The following DLGAP2 variants were observed in gnomAD, a reference collection of about 807,000 sequenced individuals.
DLGAP2 encodes disks large-associated protein 2.
DLGAP2 carries 26 observed loss-of-function variants against 100.3 expected under a neutral mutation model. The ratio of observed to expected loss-of-function variants is 0.26; its 90% CI spans 0.19 to 0.36. The LOEUF (loss-of-function observed/expected upper bound fraction) is 0.36, where lower values mean the gene tolerates loss of function less well. DLGAP2 is among the 10% of genes least tolerant of loss of function. The pLI, the probability that DLGAP2 is intolerant of heterozygous loss-of-function variation, is 1.00. For missense variants in DLGAP2, 1,858 were observed against 1,453.2 expected (o/e 1.28, Z -4.53); for synonymous variants, 886 against 630.1 (o/e 1.41, Z -6.08).
intron 3 of DLGAP2, among the ~76,000 whole-genome samples, chr8:1,311,503 A>G (rs1800613428): frequency 1.3e-5 from 2 of 152,212 alleles, no homozygotes; most frequent in African/African-American, 4.8e-5. Flanking sequence ...CATATCCCTT[A>G]TCAATGTAGA....
intron 3 of DLGAP2, among the ~76,000 whole-genome samples, chr8:1,330,035 A>G (rs1395364182): frequency 6.6e-6 from 1 of 152,218 alleles, no homozygotes; most frequent in Non-Finnish European, 1.5e-5. Flanking sequence ...TGTCCATTAA[A>G]GTGGCTTTGC....
intron 1 of DLGAP2, among the ~76,000 whole-genome samples, chr8:841,842 C>G (rs1796989210): frequency 6.6e-6 from 1 of 152,198 alleles, no homozygotes; most frequent in African/African-American, 2.4e-5. Context: ...ATGGCTATTT[C>G]ATATCACATT....
At chr8:1,558,169 G>T (rs974643251) in intron 5 of DLGAP2, among the ~76,000 whole-genome samples, 2 of 152,188 alleles carry the variant, frequency 1.3e-5, no homozygotes, top group Admixed American at 6.5e-5. Flanking sequence ...GCCTCTGTTG[G>T]TGGCCTCCTG....
intron 2 of DLGAP2, among the ~76,000 whole-genome samples, chr8:1,190,907 C>T (rs1270016061): frequency 6.6e-6 from 1 of 152,092 alleles, no homozygotes; most frequent in African/African-American, 2.4e-5. Context: ...CGTGTTTATG[C>T]ACCATGCTTC....
At chr8:1,009,933 G>A (rs929426609) in intron 2 of DLGAP2, among the ~76,000 whole-genome samples, 1 of 152,222 alleles carries the variant, frequency 6.6e-6, no homozygotes, top group Non-Finnish European at 1.5e-5. Flanking sequence ...GTAAGGTCTT[G>A]TGTTTTTGCA....
intron 2 of DLGAP2, among the ~76,000 whole-genome samples, chr8:1,236,892 A>G (rs1402574785): frequency 8.8e-6 from 1 of 114,132 alleles, no homozygotes; most frequent in Non-Finnish European, 1.8e-5. Context: ...GTTCTCTAAC[A>G]TGGCGCCATG....
intron 1 of DLGAP2, among the ~76,000 whole-genome samples, chr8:871,237 C>A (rs1797592488): frequency 6.6e-6 from 1 of 152,258 alleles, no homozygotes; most frequent in South Asian, 2.1e-4. Flanking sequence ...CCGTGCATTT[C>A]TTCAGATGGC....
intron 3 of DLGAP2, among the ~76,000 whole-genome samples, chr8:1,376,387 G>C (rs1169405733): frequency 6.6e-6 from 1 of 152,246 alleles, no homozygotes; most frequent in Non-Finnish European, 1.5e-5. Context: ...GCAGAGAGAG[G>C]AGCTTCCTTG....
chr8:1,593,348 A>G (rs1325994960), intron 6 of DLGAP2, among the ~76,000 whole-genome samples: 1 of 151,970 alleles, frequency 6.6e-6, no homozygotes, highest in Non-Finnish European at 1.5e-5. Flanking sequence ...CCAGCTACTC[A>G]GGAGGCTGAG....
chr8:1,030,132 A>G (rs1563153881), intron 2 of DLGAP2, among the ~76,000 whole-genome samples: 1 of 152,254 alleles, frequency 6.6e-6, no homozygotes, highest in African/African-American at 2.4e-5. Context: ...ATAATGGTTA[A>G]GGCCCTAGTT....
chr8:833,869 A>G (rs1199375574), intron 1 of DLGAP2, among the ~76,000 whole-genome samples: 4 of 152,232 alleles, frequency 2.6e-5, no homozygotes, highest in Non-Finnish European at 4.4e-5. Flanking sequence ...ATCTCAGAAC[A>G]TGACAGGTTG....
chr8:1,559,815 C>A (rs1433880859), intron 5 of DLGAP2, among the ~76,000 whole-genome samples: 3 of 152,216 alleles, frequency 2.0e-5, no homozygotes, highest in Non-Finnish European at 4.4e-5. Flanking sequence ...TCCCCCGTGC[C>A]CAGGAACTGG....
chr8:839,976 G>C (rs1054351264), intron 1 of DLGAP2, among the ~76,000 whole-genome samples: 1 of 151,216 alleles, frequency 6.6e-6, no homozygotes, highest in Non-Finnish European at 1.5e-5. Flanking sequence ...GATTGTGTGA[G>C]CGCGTCCACA....
intron 6 of DLGAP2, among the ~76,000 whole-genome samples, chr8:1,606,430 CT>C (rs1281093841): frequency 6.6e-6 from 1 of 152,120 alleles, no homozygotes; most frequent in Non-Finnish European, 1.5e-5. Context: ...CCTCCAACCC[CT>C]GGCAACCACG....
At chr8:861,165 T>G (rs1797382582) in intron 1 of DLGAP2, among the ~76,000 whole-genome samples, 1 of 147,444 alleles carries the variant, frequency 6.8e-6, no homozygotes, top group South Asian at 2.2e-4. Flanking sequence ...GTTCTGAACA[T>G]GCACAGACTT....
chr8:1,452,335 A>G (rs1043956997), intron 3 of DLGAP2, among the ~76,000 whole-genome samples: 12 of 152,212 alleles, frequency 7.9e-5, no homozygotes, highest in Non-Finnish European at 1.6e-4. Context: ...AGGTGTGCAC[A>G]GGACAGAGGT....
chr8:788,845 C>G (rs1051083275), intron 1 of DLGAP2, among the ~76,000 whole-genome samples: 1 of 152,154 alleles, frequency 6.6e-6, no homozygotes, highest in Non-Finnish European at 1.5e-5. Context: ...GACTTTTTCC[C>G]ATGGGCTTTT....
chr8:796,250 C>A (rs181468093), intron 1 of DLGAP2, among the ~76,000 whole-genome samples: 1 of 152,150 alleles, frequency 6.6e-6, no homozygotes, highest in South Asian at 2.1e-4. Flanking sequence ...CCGGGCTCCC[C>A]GGTGATGAGC....
intron 3 of DLGAP2, among the ~76,000 whole-genome samples, chr8:1,426,022 G>A (rs187007880): frequency 2.4e-4 from 36 of 152,350 alleles, no homozygotes; most frequent in African/African-American, 8.7e-4. Flanking sequence ...CGTGGGTGTG[G>A]GGTCCTCAGC....
Sources: allele counts gnomAD v4.1 joint callset (sites outside exome capture counted in the v4.1 genomes callset), GRCh38; gene constraint gnomAD v4.1.1; transcripts MANE v1.5; gene names NCBI Gene and HGNC (gene_info 2026-07-23, HGNC 2026-07-21).